ZNF704: variants seen among roughly 807,000 people sequenced by gnomAD.
ZNF704 encodes glucocorticoid induced gene 1.
Under a neutral mutation model 44.7 loss-of-function variants are expected in ZNF704, and 10 were observed. The ratio of observed to expected loss-of-function variants is 0.22; its 90% CI spans 0.14 to 0.38. The LOEUF (loss-of-function observed/expected upper bound fraction) is 0.38. Among genes scored for constraint, ZNF704 ranks in the 10% least tolerant of loss-of-function variants. The probability of loss-of-function intolerance (pLI) is 1.00; values close to 1 mark genes in which losing one functional copy is unlikely to be tolerated. For synonymous variants in ZNF704, 211 were observed against 207.6 expected (o/e 1.02, Z -0.14); for missense variants, 390 against 545.5 (o/e 0.71, Z 2.84).
intron 1 of ZNF704, among the ~76,000 whole-genome samples, chr8:80,850,501 T>C (rs1808840022): frequency 1.3e-5 from 2 of 152,180 alleles, no homozygotes; most frequent in African/African-American, 4.8e-5. Context: ...GTTCTGGCAC[T>C]AACACCAGGC....
intron 3 of ZNF704, among the ~76,000 whole-genome samples, chr8:80,690,283 A>G (rs1818610509): frequency 6.6e-6 from 1 of 152,232 alleles, no homozygotes; most frequent in South Asian, 2.1e-4. Flanking sequence ...AGTACAAAGG[A>G]ACACTAAAAA....
chr8:80,855,777 AAAAAAAT>A, intron 1 of ZNF704, among the ~76,000 whole-genome samples: 1 of 152,262 alleles, frequency 6.6e-6, no homozygotes, highest in South Asian at 2.1e-4. Context: ...TTACACAAAT[AAAAAAAT>A]AAAAAATAAA....
chr8:80,694,660 C>T (rs567775335), intron 2 of ZNF704, among the ~76,000 whole-genome samples: 1 of 152,248 alleles, frequency 6.6e-6, no homozygotes, highest in African/African-American at 2.4e-5. Flanking sequence ...GAGAAAAAAA[C>T]AAATGGTTCC....
intron 2 of ZNF704, among the ~76,000 whole-genome samples, chr8:80,810,470 CTTT>C (rs138732265): frequency 6.6e-6 from 1 of 150,606 alleles, no homozygotes; most frequent in East Asian, 1.9e-4. Flanking sequence ...TATTAATGAG[CTTT>C]TTTTTAACAA....
At chr8:80,727,675 A>AT (rs765520467) in intron 2 of ZNF704, among the ~76,000 whole-genome samples, 6 of 152,114 alleles carry the variant, frequency 3.9e-5, no homozygotes, top group Non-Finnish European at 7.4e-5. Flanking sequence ...CTGCAGCCTC[A>AT]TGAGACCCCG....
intron 2 of ZNF704, among the ~76,000 whole-genome samples, chr8:80,783,684 T>C (rs892618139): frequency 1.3e-5 from 2 of 152,128 alleles, no homozygotes; most frequent in Admixed American, 1.3e-4. Context: ...CTGTACAACC[T>C]TTCCCACTGC....
chr8:80,782,436 T>G (rs1260282773), intron 2 of ZNF704, among the ~76,000 whole-genome samples: 1 of 152,158 alleles, frequency 6.6e-6, no homozygotes, highest in Non-Finnish European at 1.5e-5. Context: ...AACTAGAGTC[T>G]CAACAAGAGC....
At position 80,637,673 on chromosome 8, in the gene ZNF704, C is replaced by T. The variant is rs1817683586; in HGVS notation, c.*3693G>A. The T allele has an allele frequency of 6.6e-6, 1 of 152,198 alleles. No homozygotes were observed. The highest frequency in any genetic ancestry group is 6.5e-5 in the Admixed American group (1 of 15,288). 9.4% of individuals were successfully genotyped at this position (152,198 alleles called of 1,614,324 possible). On this transcript the variant is annotated 3_prime_UTR_variant, in exon 9 of 9. Coordinates refer to ENST00000327835, the MANE Select transcript of ZNF704 (RefSeq NM_001033723.3). ...GTCATTCTCTATTGAAAATTTTCAT[C>T]TGCAATATGGTTATGTTCGGGCAGG...
At chr8:80,738,058 A>G (rs1806694271) in intron 2 of ZNF704, among the ~76,000 whole-genome samples, 1 of 152,078 alleles carries the variant, frequency 6.6e-6, no homozygotes, top group African/African-American at 2.4e-5. Flanking sequence ...ATGTCCCTCA[A>G]TTTGGGTTTG....
At chr8:80,734,220 A>G (rs1806628228) in intron 2 of ZNF704, among the ~76,000 whole-genome samples, 1 of 152,232 alleles carries the variant, frequency 6.6e-6, no homozygotes, top group South Asian at 2.1e-4. Context: ...TAGTCTTCAG[A>G]GAAGGACACA....
chr8:80,774,827 G>A (rs1380919051), intron 2 of ZNF704, among the ~76,000 whole-genome samples: 1 of 152,202 alleles, frequency 6.6e-6, no homozygotes, highest in Admixed American at 6.5e-5. Flanking sequence ...CTAAGAAAGA[G>A]CAGGCTCCAT....
intron 7 of ZNF704, among the ~76,000 whole-genome samples, chr8:80,655,751 G>C (rs1387625021): frequency 6.6e-6 from 1 of 152,096 alleles, no homozygotes; most frequent in African/African-American, 2.4e-5. Flanking sequence ...TTTCTCTTAA[G>C]AGGGAGGAAA....
chr8:80,845,372 A>G (rs2129979496), intron 1 of ZNF704, among the ~76,000 whole-genome samples: 1 of 152,330 alleles, frequency 6.6e-6, no homozygotes, highest in South Asian at 2.1e-4. Flanking sequence ...GGAAGTTTCA[A>G]CATTTGATAA....
chr8:80,785,114 T>C (rs1347449186), intron 2 of ZNF704, among the ~76,000 whole-genome samples: 1 of 152,212 alleles, frequency 6.6e-6, no homozygotes. Context: ...ATTTAGTCTT[T>C]ATGCCCCCTC....
chr8:80,723,885 C>T (rs1210199127), intron 2 of ZNF704, among the ~76,000 whole-genome samples: 2 of 152,174 alleles, frequency 1.3e-5, no homozygotes, highest in African/African-American at 4.8e-5. Flanking sequence ...GATAGATGTT[C>T]AACTGTTCCA....
intron 5 of ZNF704, among the ~76,000 whole-genome samples, chr8:80,666,907 T>G (rs371484067): frequency 6.6e-6 from 1 of 151,834 alleles, no homozygotes; most frequent in Non-Finnish European, 1.5e-5. Context: ...TTCTCCCATT[T>G]TGTAGGTTGC....
At chr8:80,649,370 G>C (rs201764940) in intron 7 of ZNF704, among the ~76,000 whole-genome samples, 3 of 152,164 alleles carry the variant, frequency 2.0e-5, no homozygotes, top group Admixed American at 6.5e-5. Context: ...ATGAGGCATC[G>C]CCTCACCCGG....
intron 2 of ZNF704, among the ~76,000 whole-genome samples, chr8:80,704,367 G>A (rs967200144): frequency 6.6e-6 from 1 of 152,228 alleles, no homozygotes; most frequent in Non-Finnish European, 1.5e-5. Context: ...TGCATGTTGA[G>A]TGCCTGTCAT....
At chr8:80,819,286 A>C (rs1808225621) in intron 2 of ZNF704, among the ~76,000 whole-genome samples, 1 of 152,164 alleles carries the variant, frequency 6.6e-6, no homozygotes, top group African/African-American at 2.4e-5. Context: ...GGTGGAAAAT[A>C]TCCTACATAC....
Sources: allele counts gnomAD v4.1 joint callset (sites outside exome capture counted in the v4.1 genomes callset), GRCh38; gene constraint gnomAD v4.1.1; transcripts MANE v1.5; gene names NCBI Gene and HGNC (gene_info 2026-07-23, HGNC 2026-07-21).